Variants in CLCN5 observed in about 807,000 individuals in gnomAD.
CLCN5 encodes the protein Cl-/H+ antiporter 5, also known as H(+)/Cl(-) exchange transporter 5.
A neutral mutation model predicts 54.0 loss-of-function variants in CLCN5; 17 were observed. The ratio of observed to expected loss-of-function variants is 0.31; its 90% CI spans 0.22 to 0.47. The LOEUF (loss-of-function observed/expected upper bound fraction) is 0.47, where lower values mean the gene tolerates loss of function less well. Ranked by LOEUF, CLCN5 falls within the 20% of genes least tolerant of loss-of-function variation. CLCN5 has a pLI of 1.00. For synonymous variants in CLCN5, 222 were observed against 233.0 expected, an observed-to-expected ratio of 0.95 and a Z score of 0.43; for missense variants, 448 against 646.7, an observed-to-expected ratio of 0.69 and a Z score of 3.33.
At chrX:50,009,852 C>T (rs1557182239) in intron 3 of CLCN5, 1 of 372,531 alleles carries the variant, frequency 2.7e-6, no homozygotes, top group South Asian at 2.5e-5. Flanking sequence ...CTCTCAGCTG[C>T]TTGCTGCTTG....
At chrX:50,025,323 C>T (rs1056952758) in intron 3 of CLCN5, among the ~76,000 whole-genome samples, 3 of 78,732 alleles carry the variant, frequency 3.8e-5, no homozygotes, top group Non-Finnish European at 7.3e-5. Context: ...GGCAATGCCT[C>T]GCCCTGCTTC....
chrX:49,947,119 G>T (rs781820401), intron 3 of CLCN5, among the ~76,000 whole-genome samples: 3 of 111,679 alleles, frequency 2.7e-5, no homozygotes, highest in Non-Finnish European at 5.6e-5. Context: ...ACCGCGCCTG[G>T]CCAAGACTTT....
intron 7 of CLCN5, among the ~76,000 whole-genome samples, chrX:50,076,264 T>C (rs1416009191): frequency 8.9e-6 from 1 of 112,280 alleles, no homozygotes; most frequent in Non-Finnish European, 1.9e-5. Context: ...ACTGAATTTC[T>C]CTTTTTCTAA....
At chrX:49,978,545 C>A (rs782322906) in intron 3 of CLCN5, among the ~76,000 whole-genome samples, 36 of 112,398 alleles carry the variant, frequency 3.2e-4, no homozygotes, top group African/African-American at 1.1e-3. Context: ...ATTTCTTCTA[C>A]AAATACAATG....
intron 4 of CLCN5, among the ~76,000 whole-genome samples, chrX:50,061,022 A>G (rs2147517509): frequency 1.2e-5 from 1 of 80,160 alleles, no homozygotes; most frequent in East Asian, 4.0e-4. Context: ...ACCATCATCA[A>G]AGACCAAAAG....
rs1557191645 is a variant in CLCN5, at chrX:50,072,603, T to G, written c.415+15T>G. ...GCTTTTATCAGGTATGGTAAACTGT[T>G]AGTTTTCAAAACAAATCTCCTAAAA... On this transcript the variant is annotated intron_variant, in intron 6 of 14. Coordinates refer to ENST00000376091, the MANE Select transcript of CLCN5 (RefSeq NM_001127898.4). 2 of 1,133,199 alleles carry G rather than the reference T, an allele frequency of 1.8e-6. No individual in the cohort carries two copies. Among genetic ancestry groups the G allele is most frequent in the Non-Finnish European group, 2.4e-6 (2 of 824,141 alleles). The allele number at this position is 1,133,199 out of a possible 1,213,427, so 93.4% of individuals were successfully genotyped here.
intron 3 of CLCN5, among the ~76,000 whole-genome samples, chrX:49,941,748 G>T (rs188539673): frequency 9.0e-6 from 1 of 110,522 alleles, no homozygotes; most frequent in East Asian, 2.9e-4. Flanking sequence ...CATTATTTAT[G>T]ATTCCAGTCT....
At chrX:50,033,989 C>T (rs1308368980) in intron 3 of CLCN5, among the ~76,000 whole-genome samples, 1 of 111,625 alleles carries the variant, frequency 9.0e-6, no homozygotes, top group Non-Finnish European at 1.9e-5. Flanking sequence ...AGAAGAAGCA[C>T]TACTATTTCC....
intron 7 of CLCN5, among the ~76,000 whole-genome samples, chrX:50,080,362 G>C (rs1469337713): frequency 4.5e-5 from 5 of 111,182 alleles, no homozygotes; most frequent in African/African-American, 1.3e-4. Flanking sequence ...TTCATCCTTA[G>C]AATCCATGGT....
intron 3 of CLCN5, among the ~76,000 whole-genome samples, chrX:49,961,330 C>T (rs1447911495): frequency 5.4e-5 from 6 of 112,124 alleles, no homozygotes; most frequent in Non-Finnish European, 1.1e-4. Context: ...GTGTGACATA[C>T]ACTGTGATAG....
At chrX:50,075,677 A>G in intron 6 of CLCN5, 118 bp from the exon 7 acceptor site, 3 of 622,328 alleles carry the variant, frequency 4.8e-6, no homozygotes, top group Non-Finnish European at 8.2e-6. Flanking sequence ...GTATGTGCTT[A>G]TCTGTTACTT....
intron 2 of CLCN5, among the ~76,000 whole-genome samples, chrX:49,924,011 G>T (rs782298972): frequency 1.6e-3 from 177 of 112,396 alleles, no homozygotes; most frequent in Non-Finnish European, 2.7e-3. Flanking sequence ...AGAAAAAACA[G>T]ATTGGCTTGT....
At chrX:50,001,437 C>T (rs1434378429) in intron 3 of CLCN5, among the ~76,000 whole-genome samples, 2 of 109,492 alleles carry the variant, frequency 1.8e-5, no homozygotes, top group African/African-American at 6.8e-5. Context: ...TGATTGTACT[C>T]CATCTCTACT....
At chrX:50,051,755 T>G (rs930403559) in intron 4 of CLCN5, among the ~76,000 whole-genome samples, 2 of 111,795 alleles carry the variant, frequency 1.8e-5, no homozygotes, top group Non-Finnish European at 3.8e-5. Context: ...AGTATTTAAT[T>G]TGGAGTGGGG....
intron 3 of CLCN5, among the ~76,000 whole-genome samples, chrX:49,964,157 T>C (rs1473981625): frequency 6.2e-5 from 7 of 112,205 alleles, no homozygotes; most frequent in Non-Finnish European, 1.3e-4. Flanking sequence ...TTCTAAGATA[T>C]GTTCTTCAGA....
At chrX:50,074,084 A>G (rs1055637631) in intron 6 of CLCN5, among the ~76,000 whole-genome samples, 1 of 112,074 alleles carries the variant, frequency 8.9e-6, no homozygotes, top group Admixed American at 9.5e-5. Context: ...ATGACCTAGC[A>G]GTTAGGAACA....
intron 3 of CLCN5, among the ~76,000 whole-genome samples, chrX:49,985,588 T>C (rs1928957911): frequency 1.8e-5 from 2 of 111,898 alleles, no homozygotes; most frequent in South Asian, 7.4e-4. Context: ...AATTGATCAG[T>C]TTTTTGTTTT....
intron 3 of CLCN5, among the ~76,000 whole-genome samples, chrX:49,939,335 A>G (rs1557170298): frequency 9.1e-6 from 1 of 110,266 alleles, no homozygotes; most frequent in Admixed American, 9.7e-5. Flanking sequence ...AGACACATGT[A>G]CACGTATGTT....
chrX:50,049,442 T>C (rs1011270994), intron 4 of CLCN5, among the ~76,000 whole-genome samples: 46 of 112,199 alleles, frequency 4.1e-4, no homozygotes, highest in African/African-American at 1.3e-3. Context: ...TCTCAGAATG[T>C]ATCCCCATCA....
Sources: gnomAD v4.1 joint callset for allele counts (sites outside exome capture counted in the v4.1 genomes callset) on GRCh38, gnomAD v4.1.1 for gene constraint, MANE v1.5 for transcripts, NCBI Gene and HGNC (gene_info 2026-07-23, HGNC 2026-07-21) for gene names.